The following RADIL variants were observed in gnomAD, a reference collection of about 807,000 sequenced individuals.
RADIL encodes ras-associating and dilute domain-containing protein.
Under a neutral mutation model 97.6 loss-of-function variants are expected in RADIL, and 99 were observed. The observed-to-expected ratio is 1.01, with a 90% CI of 0.86 to 1.20. The LOEUF is 1.20. Among genes scored for constraint, RADIL ranks in the 50% most tolerant of loss-of-function variants. The pLI is 0.00. For synonymous variants in RADIL, 803 were observed against 691.8 expected (o/e 1.16, Z -2.52); for missense variants, 1,765 against 1,498.9 (o/e 1.18, Z -2.93).
In RADIL at chr7:4,799,321, C is replaced by T. The variant is rs1373155689; in HGVS notation, c.*57G>A. The T allele has an allele frequency of 6.4e-7, 1 of 1,556,448 alleles. No homozygotes were observed. Among genetic ancestry groups the T allele is most frequent in the Non-Finnish European group, 8.8e-7 (1 of 1,130,474 alleles). On this transcript the variant is annotated 3_prime_UTR_variant, in exon 15 of 15. Transcript: ENST00000399583. ...AACAGGGACGAAGGCGGGAGGAAGC[C>T]CAGTGTCACCAGGTGGGACCGGGTG... is the stretch of plus-strand genomic sequence containing the variant.
Position 4,849,672 on chromosome 7 carries a change from C to A in RADIL, c.536-13067G>T, listed in dbSNP as rs978855614. Among the ~76,000 whole-genome samples the A allele has an allele frequency of 6.6e-6, 1 of 152,158 alleles. No homozygotes were observed. Among genetic ancestry groups the A allele is most frequent in the Non-Finnish European group, 1.5e-5 (1 of 68,048 alleles). ...AGAGACAGCAGGGGGTGCCACATCA[C>A]CAATCCTCTTGAGGACAAAGAAAAT... On this transcript the variant is annotated intron_variant, in intron 2 of 14. Transcript: ENST00000399583. This position sits in a 1 kb window ranked among gnomAD's most constrained non-coding sequence, Gnocchi z 5.4.
Position 4,860,931 on chromosome 7 carries a change from G to A in RADIL, c.535+16674C>T, listed in dbSNP as rs763585930. ...TCCCATACAGGCAAATTAAGATTCC[G>A]TTCTTCAGGCTCCTTCAGTAACACT... On this transcript the variant is annotated intron_variant, in intron 2 of 14. Coordinates refer to ENST00000399583, the MANE Select transcript of RADIL (RefSeq NM_018059.5). The A allele has an allele frequency of 6.2e-6, 10 of 1,614,166 alleles. No individual in the cohort carries two copies. Among genetic ancestry groups the A allele is most frequent in the African/African-American group, 4.0e-5 (3 of 75,038 alleles).
chr7:4,801,752 C>T lies in RADIL; in HGVS notation c.2743G>A (p.Gly915Arg), dbSNP rs190559381. 1 of 1,610,506 alleles carries T rather than the reference C, an allele frequency of 6.2e-7. No individual in the cohort carries two copies. The highest frequency in any genetic ancestry group is 8.5e-7 in the Non-Finnish European group (1 of 1,179,136). ...PPSTPLGPEPGDPDWPESGGP... is the reference protein window; with the variant it reads ...PPSTPLGPEPRDPDWPESGGP... Reference sequence around the variant, plus strand: ...CCGGACTCTGGCCAGTCGGGGTCCCCAGGCTCAGGGCCAAGTGGAGTGCTG... The same window carrying T: ...CCGGACTCTGGCCAGTCGGGGTCCCTAGGCTCAGGGCCAAGTGGAGTGCTG... The change falls in exon 12 of 15, where the codon GGG becomes AGG. Residue 915 changes from glycine to arginine, a missense_variant. Physicochemically the swap from Gly to Arg is moderately radical, Grantham distance 125. Transcript: ENST00000399583.
intron 2 of RADIL, chr7:4,860,714 G>A (rs1783966643): frequency 1.2e-6 from 2 of 1,613,946 alleles, no homozygotes; most frequent in African/African-American, 1.3e-5. Flanking sequence ...AAAGAAGCTT[G>A]GAGCTTCAAA....
intron 11 of RADIL, among the ~76,000 whole-genome samples, chr7:4,802,850 GACCCCCTCCCCGGGCACCTC>G: frequency 8.2e-6 from 1 of 122,204 alleles, no homozygotes; most frequent in Non-Finnish European, 1.7e-5. Context: ...ATGCTGGCTG[GACCCCCTCCCCGGGCACCTC>G]GGGGCACTCT....
At chr7:4,802,192 G>A (rs942733472) in intron 11 of RADIL, among the ~76,000 whole-genome samples, 197 bp from the exon 12 acceptor site, 3 of 152,222 alleles carry the variant, frequency 2.0e-5, no homozygotes, top group South Asian at 2.1e-4. Context: ...GCCTGCGCTG[G>A]GCCAGGACTC....
At chr7:4,860,466 T>A (rs371130322) in intron 2 of RADIL, 2 of 1,614,188 alleles carry the variant, frequency 1.2e-6, no homozygotes, top group South Asian at 2.2e-5. Context: ...ATTTCAGAAT[T>A]ATCTGGCTTT....
rs777790300 is a variant in RADIL, at chr7:4,799,734, C to G, written c.3018G>C (p.Gln1006His). 184 of 1,559,636 alleles carry G rather than the reference C, an allele frequency of 1.2e-4. No individual in the cohort carries two copies. The highest frequency in any genetic ancestry group is 1.5e-4 in the Non-Finnish European group (175 of 1,156,410). Residue 1006 changes from glutamine to histidine, a missense_variant, in exon 14 of 15, where the codon CAG becomes CAC. Transcript: ENST00000399583. ...THLGAPGLYIQTLLPGSPAAA... is the reference protein window; with the variant it reads ...THLGAPGLYIHTLLPGSPAAA... Reference sequence around the variant, plus strand: ...CTGCGGGGCTGCCCGGGAGCAGGGTCTGGATGTAGAGCCCGGGGGCGCCCA... The same window carrying G: ...CTGCGGGGCTGCCCGGGAGCAGGGTGTGGATGTAGAGCCCGGGGGCGCCCA...
At chr7:4,862,683 C>T (rs1583318098) in intron 2 of RADIL, among the ~76,000 whole-genome samples, 2 of 152,064 alleles carry the variant, frequency 1.3e-5, no homozygotes, top group Admixed American at 6.6e-5. Context: ...GGCAGATCAC[C>T]TGAGGTCAGG....
Position 4,836,385 on chromosome 7 carries a change from G to A in RADIL, c.756C>T (p.Leu252=), listed in dbSNP as rs1387192043. 4 of 1,575,110 alleles carry A rather than the reference G, an allele frequency of 2.5e-6. No homozygotes were observed. Among genetic ancestry groups the A allele is most frequent in the East Asian group, 4.7e-5 (2 of 42,806 alleles). ...RYSLYQSPHL[L]LLQGYSQQHD... is the part of the protein sequence containing the mutation. Reference sequence around the variant, plus strand: ...GCTGCTGGCTGTAGCCCTGCAGAAGGAGCAGATGCGGGGACTGGTACAGCG... The same window carrying A: ...GCTGCTGGCTGTAGCCCTGCAGAAGAAGCAGATGCGGGGACTGGTACAGCG... Residue 252 remains leucine (L), a synonymous_variant, in exon 3 of 15, where the codon CTC becomes CTT. Coordinates refer to ENST00000399583, the MANE Select transcript of RADIL (RefSeq NM_018059.5).
rs1784444132 is a variant in RADIL at position 4,879,614 on chromosome 7, A to C, written c.-64-1411T>G. On this transcript the variant is annotated intron_variant, in intron 1 of 14. Coordinates refer to ENST00000399583, the MANE Select transcript of RADIL (RefSeq NM_018059.5). The surrounding 1 kb of genome is among the most constrained non-coding windows in gnomAD (Gnocchi z 4.1). ...GTCAGTACTAAACACCGCAGCAGCC[A>C]ACTGTCACTGTCCAGGCTTGACTCA... Among the ~76,000 whole-genome samples the C allele has an allele frequency of 6.6e-6, 1 of 152,164 alleles. No individual in the cohort carries two copies. The highest frequency in any genetic ancestry group is 1.5e-5 in the Non-Finnish European group (1 of 68,030).
chr7:4,867,823 A>T lies in RADIL; in HGVS notation c.535+9782T>A, dbSNP rs10244125. Among the ~76,000 whole-genome samples the T allele has an allele frequency of 0.017, 2,647 of 152,268 alleles. 85 individuals carry two copies. The highest frequency in any genetic ancestry group is 0.061 in the African/African-American group (2,528 of 41,530). On this transcript the variant is annotated intron_variant, in intron 2 of 14. Transcript: ENST00000399583. This position sits in a 1 kb window ranked among gnomAD's most constrained non-coding sequence, Gnocchi z 4.1. The stretch of plus-strand genomic sequence containing the variant: ...AATACACTAGAGTGGGTTCCCAAGG[A>T]CAATGACAATGAAAAAAGAAAATGA...
intron 9 of RADIL, among the ~76,000 whole-genome samples, chr7:4,807,642 G>A (rs796338572): frequency 3.2e-4 from 10 of 31,582 alleles, no homozygotes; most frequent in African/African-American, 8.0e-4. Flanking sequence ...CCCTCCTCCC[G>A]CTCCTTCTCT....
chr7:4,800,426 G>GA, intron 12 of RADIL, 116 bp from the exon 13 acceptor site: 1 of 1,143,190 alleles, frequency 8.7e-7, no homozygotes, highest in Non-Finnish European at 1.2e-6. Flanking sequence ...GGCCTCCTGT[G>GA]GCTCCCAGGA....
rs967342766 is a variant in RADIL at position 4,870,517 on chromosome 7, T to C, written c.535+7088A>G. On this transcript the variant is annotated intron_variant, in intron 2 of 14. Coordinates refer to ENST00000399583, the MANE Select transcript of RADIL (RefSeq NM_018059.5). ...AGTGCAGTGGCACAATCTCAGCTCA[T>C]TGCAAGCTCCACCTCCCAGGTTCAA... Among the ~76,000 whole-genome samples, 5 of 152,144 alleles carry C rather than the reference T, an allele frequency of 3.3e-5. 1 individual carries two copies. Among genetic ancestry groups the C allele is most frequent in the East Asian group, 3.9e-4 (2 of 5,156 alleles).
At position 4,799,143 on chromosome 7, in the gene RADIL, C is replaced by T. The variant is rs1781992119; in HGVS notation, c.*235G>A. 1.8e-6 allele frequency: 1 copy of T among 554,936 alleles called. No homozygotes were observed. Among genetic ancestry groups the T allele is most frequent in the African/African-American group, 1.9e-5 (1 of 52,860 alleles). The allele number at this position is 554,936 out of a possible 1,614,324, so 34.4% of individuals were successfully genotyped here. On this transcript the variant is annotated 3_prime_UTR_variant, in exon 15 of 15. Transcript: ENST00000399583. ...AATAGTTTATTGAACCGTACTTCTC[C>T]ATTGAAGTCTTTAAACATAAAAGCT... is the stretch of plus-strand genomic sequence containing the variant.
intron 9 of RADIL, among the ~76,000 whole-genome samples, chr7:4,808,286 G>A (rs562550304): frequency 6.6e-6 from 1 of 151,182 alleles, no homozygotes; most frequent in East Asian, 2.0e-4. Flanking sequence ...GCTCTGCACA[G>A]CTTTTTATTT....
intron 10 of RADIL, 110 bp from the exon 11 acceptor site, chr7:4,803,864 G>C (rs957932537): frequency 3.2e-5 from 31 of 980,968 alleles, no homozygotes; most frequent in Non-Finnish European, 3.8e-5. Context: ...TGAGCCCTGA[G>C]TCCCCTGCCC....
chr7:4,866,426 C>A (rs1399295345), intron 2 of RADIL, among the ~76,000 whole-genome samples: 1 of 149,660 alleles, frequency 6.7e-6, no homozygotes, highest in African/African-American at 2.5e-5. Flanking sequence ...CACAGAGTAG[C>A]CAAATTTTAC....
Sources: gnomAD v4.1 joint callset for allele counts (sites outside exome capture counted in the v4.1 genomes callset) on GRCh38, gnomAD v4.1.1 for gene constraint, Gnocchi (gnomAD v3.1) non-coding constraint, MANE v1.5 for transcripts, NCBI Gene and HGNC (gene_info 2026-07-23, HGNC 2026-07-21) for gene names.